THSD4: variants seen among roughly 807,000 people sequenced by gnomAD.
THSD4 encodes the protein thrombospondin type-1 domain-containing protein 4.
Under a neutral mutation model 119.0 loss-of-function variants are expected in THSD4, and 69 were observed. The ratio of observed to expected loss-of-function variants is 0.58; its 90% CI spans 0.48 to 0.71. THSD4 has a LOEUF of 0.71. Among genes scored for constraint, THSD4 ranks in the 30% least tolerant of loss-of-function variants. The pLI is 0.00. For missense variants in THSD4, 1,393 were observed against 1,391.1 expected, an observed-to-expected ratio of 1.00 and a Z score of -0.02; for synonymous variants, 524 against 540.4, an observed-to-expected ratio of 0.97 and a Z score of 0.42.
At position 71,222,624 on chromosome 15, in the gene THSD4, G is replaced by C. The variant is rs114841483; in HGVS notation, c.464+7225G>C. On this transcript the variant is annotated intron_variant, in intron 4 of 17. Coordinates refer to ENST00000261862, the MANE Select transcript of THSD4 (RefSeq NM_024817.3). ...TCCTCAGGTGTTTGGGGGTGAAAGA[G>C]GTTGAGGAGGGTGGGCTTCCCAGAA... is the stretch of plus-strand genomic sequence containing the variant. Among the ~76,000 whole-genome samples, 304 of 152,246 alleles carry C rather than the reference G, an allele frequency of 2.0e-3. 4 individuals carry two copies. Among genetic ancestry groups the C allele is most frequent in the African/African-American group, 6.9e-3 (287 of 41,542 alleles).
intron 1 of THSD4, among the ~76,000 whole-genome samples, chr15:71,127,015 A>C (rs1346744905): frequency 6.6e-6 from 1 of 152,262 alleles, no homozygotes; most frequent in Non-Finnish European, 1.5e-5. Flanking sequence ...TGCACTATGC[A>C]ATAGATCTCA....
intron 7 of THSD4, among the ~76,000 whole-genome samples, chr15:71,431,115 A>G (rs962593216): frequency 5.3e-5 from 8 of 152,250 alleles, no homozygotes; most frequent in African/African-American, 1.7e-4. Context: ...TCACAAAACT[A>G]TACCCAATTG....
At chr15:71,552,491 G>A (rs185947849) in intron 7 of THSD4, among the ~76,000 whole-genome samples, 187 of 152,224 alleles carry the variant, frequency 1.2e-3, no homozygotes, top group African/African-American at 4.0e-3. Flanking sequence ...TGACTATTTC[G>A]TGGTACACAA....
chr15:71,577,207 G>A (rs930892303), intron 7 of THSD4, among the ~76,000 whole-genome samples: 2 of 152,116 alleles, frequency 1.3e-5, no homozygotes, highest in Non-Finnish European at 2.9e-5. Flanking sequence ...TGTTTTGTAT[G>A]TTGTTTTAAA....
At chr15:71,760,067 A>T (rs1022988423) in intron 15 of THSD4, among the ~76,000 whole-genome samples, 1 of 152,218 alleles carries the variant, frequency 6.6e-6, no homozygotes, top group African/African-American at 2.4e-5. Context: ...AACTGGCTTC[A>T]GAATATAAAA....
At chr15:71,748,191 G>A (rs2053376109) in intron 13 of THSD4, among the ~76,000 whole-genome samples, 1 of 152,120 alleles carries the variant, frequency 6.6e-6, no homozygotes, top group Non-Finnish European at 1.5e-5. Flanking sequence ...CAGTCAGCTG[G>A]GAGGCTTAGG....
At chr15:71,614,990 G>A (rs753545594) in intron 7 of THSD4, among the ~76,000 whole-genome samples, 12 of 152,196 alleles carry the variant, frequency 7.9e-5, no homozygotes, top group Non-Finnish European at 4.4e-5. Flanking sequence ...GTGTTGCGCG[G>A]AATAGGAAGA....
intron 7 of THSD4, among the ~76,000 whole-genome samples, chr15:71,659,227 C>T (rs749033722): frequency 1.6e-4 from 25 of 152,180 alleles, no homozygotes; most frequent in Admixed American, 2.0e-4. Flanking sequence ...CCTGTACTCA[C>T]AATATTTCAT....
At chr15:71,595,425 C>T (rs868856887) in intron 7 of THSD4, among the ~76,000 whole-genome samples, 30 of 152,230 alleles carry the variant, frequency 2.0e-4, no homozygotes, top group Middle Eastern at 6.8e-3. Context: ...TAGAGGTTTC[C>T]GCTTTTGCTT....
At chr15:71,157,679 CTTTTT>C (rs60477136) in intron 3 of THSD4, among the ~76,000 whole-genome samples, 12 of 51,610 alleles carry the variant, frequency 2.3e-4, no homozygotes, top group African/African-American at 8.1e-4. Context: ...TATATCAACT[CTTTTT>C]TTTTTTTTTT....
chr15:71,312,603 G>T (rs1389815647), intron 6 of THSD4, among the ~76,000 whole-genome samples: 1 of 151,844 alleles, frequency 6.6e-6, no homozygotes, highest in Non-Finnish European at 1.5e-5. Context: ...ATTTCATTAC[G>T]GCAGCCCTAG....
intron 7 of THSD4, among the ~76,000 whole-genome samples, chr15:71,579,764 A>G (rs969909093): frequency 6.6e-6 from 1 of 152,214 alleles, no homozygotes; most frequent in Non-Finnish European, 1.5e-5. Flanking sequence ...AACAATAGCA[A>G]TGAGAGACAC....
chr15:71,750,619 G>A (rs7176968), intron 14 of THSD4, among the ~76,000 whole-genome samples: 68,137 of 152,100 alleles, frequency 0.45, 18,151 homozygotes, highest in Admixed American at 0.58. Flanking sequence ...GCCCACGATG[G>A]CCCCAGATGG....
intron 6 of THSD4, among the ~76,000 whole-genome samples, chr15:71,393,604 T>C (rs139023941): frequency 1.0e-3 from 154 of 152,300 alleles, no homozygotes; most frequent in African/African-American, 3.3e-3. Flanking sequence ...TCTGGCTTCC[T>C]ATTTATTTTG....
At chr15:71,539,166 CTTCTT>C (rs2048725372) in intron 7 of THSD4, among the ~76,000 whole-genome samples, 3 of 152,328 alleles carry the variant, frequency 2.0e-5, no homozygotes, top group African/African-American at 7.2e-5. Flanking sequence ...GCAGAGAACT[CTTCTT>C]TGCTTTCCTC....
chr15:71,365,431 C>T (rs572464265), intron 6 of THSD4, among the ~76,000 whole-genome samples: 3 of 152,216 alleles, frequency 2.0e-5, no homozygotes, highest in Non-Finnish European at 4.4e-5. Flanking sequence ...CCCTCCACTC[C>T]ATCCTTCTAC....
intron 4 of THSD4, among the ~76,000 whole-genome samples, chr15:71,217,292 A>G (rs886419239): frequency 2.0e-5 from 3 of 152,174 alleles, no homozygotes; most frequent in African/African-American, 7.2e-5. Flanking sequence ...AGGATACAAC[A>G]AAAAGATCAT....
chr15:71,697,917 C>T (rs1398577995), intron 8 of THSD4, among the ~76,000 whole-genome samples: 4 of 143,696 alleles, frequency 2.8e-5, no homozygotes, highest in South Asian at 2.2e-4. Flanking sequence ...TAGAAATAAT[C>T]CTTTTTTTTT....
chr15:71,470,629 A>AT (rs1330193351), intron 7 of THSD4, among the ~76,000 whole-genome samples: 41 of 146,834 alleles, frequency 2.8e-4, no homozygotes, highest in South Asian at 8.8e-4. Flanking sequence ...TGAGGATTTT[A>AT]TTATTTTTTT....
Sources: gnomAD v4.1 joint callset for allele counts (sites outside exome capture counted in the v4.1 genomes callset) on GRCh38, gnomAD v4.1.1 for gene constraint, MANE v1.5 for transcripts, NCBI Gene and HGNC (gene_info 2026-07-23, HGNC 2026-07-21) for gene names.